TRIM33: variants seen among roughly 807,000 people sequenced by gnomAD.
TRIM33 encodes tripartite motif containing 33.
A neutral mutation model predicts 125.4 loss-of-function variants in TRIM33; 20 were observed. The ratio of observed to expected loss-of-function variants is 0.16; its 90% CI spans 0.11 to 0.23. The LOEUF (loss-of-function observed/expected upper bound fraction) is 0.23. TRIM33 is among the 10% of genes least tolerant of loss of function. TRIM33 has a pLI of 1.00. For synonymous variants in TRIM33, 564 were observed against 513.9 expected, an observed-to-expected ratio of 1.10 and a Z score of -1.32; for missense variants, 920 against 1,411.4, an observed-to-expected ratio of 0.65 and a Z score of 5.58.
At chr1:114,488,541 A>T (rs1220663825) in intron 1 of TRIM33, among the ~76,000 whole-genome samples, 1 of 152,126 alleles carries the variant, frequency 6.6e-6, no homozygotes. Flanking sequence ...AGGCGGGAGG[A>T]CCGCTTCAGC....
chr1:114,408,059 AC>A (rs1466415091), intron 13 of TRIM33, among the ~76,000 whole-genome samples: 1 of 152,110 alleles, frequency 6.6e-6, no homozygotes, highest in Non-Finnish European at 1.5e-5. Flanking sequence ...CCACTACACT[AC>A]CAAGTCTTCT....
At position 114,433,728 on chromosome 1, in the gene TRIM33, T is replaced by G. The variant is rs1287639222; in HGVS notation, c.929A>C (p.Gln310Pro). 1 of 1,594,654 alleles carries G rather than the reference T, an allele frequency of 6.3e-7. No individual in the cohort carries two copies. The highest frequency in any genetic ancestry group is 2.2e-5 in the East Asian group (1 of 44,706). ...QLLEHKEHRY[Q>P]FLEEAFQNQK... ...ATTTTGAAAAGCTTCTTCCAAAAAC[T>G]GATACCTTAAAACCAAAACAAAACT... Residue 310 changes from glutamine (Q) to proline (P), a missense_variant, in exon 5 of 20, where the codon CAG becomes CCG. Transcript: ENST00000358465.
chr1:114,407,049 A>G lies in TRIM33; in HGVS notation c.2310T>C (p.Ser770=). ...GTTCTTGCTTGACCTTCACCTGATC[A>G]GATTTGAAACTAAGACTTGTCTTCT... The part of the protein sequence containing the change: ...TAEKTSLSFK[S]DQVKVKQEPG... Residue 770 remains serine, a synonymous_variant, in exon 14 of 20, where the codon TCT becomes TCC. Coordinates refer to ENST00000358465, the MANE Select transcript of TRIM33 (RefSeq NM_015906.4). The G allele has an allele frequency of 1.9e-6, 3 of 1,613,968 alleles. No homozygotes were observed. Among genetic ancestry groups the G allele is most frequent in the Non-Finnish European group, 2.5e-6 (3 of 1,179,900 alleles).
intron 4 of TRIM33, among the ~76,000 whole-genome samples, chr1:114,457,322 A>G (rs1040184072): frequency 3.9e-5 from 6 of 152,288 alleles, no homozygotes; most frequent in South Asian, 2.1e-4. Flanking sequence ...GCAAAACCCT[A>G]TGAGTGCCAC....
Position 114,409,033 on chromosome 1 carries a change from T to C in TRIM33, c.2195-293A>G, listed in dbSNP as rs569633960. Reference sequence around the variant, plus strand: ...CAACAAGTTATTTGATAAAATATTCTACTTAGGTTCCCATTAATTATTTTC... The same window carrying C: ...CAACAAGTTATTTGATAAAATATTCCACTTAGGTTCCCATTAATTATTTTC... On this transcript the variant is annotated intron_variant, in intron 12 of 19. Transcript: ENST00000358465. Among the ~76,000 whole-genome samples the C allele has an allele frequency of 1.7e-4, 26 of 152,356 alleles. No homozygotes were observed. The Middle Eastern group carries it at 0.01, about 60-fold the overall frequency.
chr1:114,467,257 G>C (rs1044598983), intron 1 of TRIM33, among the ~76,000 whole-genome samples: 8 of 152,186 alleles, frequency 5.3e-5, no homozygotes, highest in Admixed American at 5.2e-4. Context: ...AGTACTAAGA[G>C]TTACAATGAG....
chr1:114,452,461 A>C (rs969900021), intron 4 of TRIM33, among the ~76,000 whole-genome samples: 2 of 151,900 alleles, frequency 1.3e-5, no homozygotes, highest in Non-Finnish European at 2.9e-5. Flanking sequence ...TCTGTCTCAA[A>C]AAAGTAATAA....
chr1:114,473,793 G>A (rs6537832), intron 1 of TRIM33, among the ~76,000 whole-genome samples: 54,036 of 151,910 alleles, frequency 0.36, 10,301 homozygotes, highest in African/African-American at 0.47. Context: ...AAAGAGCAAA[G>A]CAATCAACGT....
intron 5 of TRIM33, among the ~76,000 whole-genome samples, chr1:114,432,174 T>TA (rs1647996327): frequency 1.3e-5 from 2 of 152,206 alleles, no homozygotes; most frequent in Non-Finnish European, 2.9e-5. Flanking sequence ...TTGTAACAGG[T>TA]AAACCTCTTG....
At chr1:114,406,807 T>C (rs1379149390) in intron 14 of TRIM33, 134 bp downstream of exon 14, 2 of 816,528 alleles carry the variant, frequency 2.4e-6, no homozygotes, top group Non-Finnish European at 3.7e-6. Flanking sequence ...AAAAGAGATA[T>C]CTGGCTTGTG....
Position 114,510,996 on chromosome 1 carries a change from G to C in TRIM33, c.81C>G (p.Ala27=), listed in dbSNP as rs1476194291. Residue 27 remains alanine, a synonymous_variant, in exon 1 of 20, where the codon GCC becomes GCG. Transcript: ENST00000358465. ...SGSAPVTAGA[A]GPAAQEAEPP... ...GCTCCGCCTCCTGCGCGGCGGGCCC[G>C]GCGGCCCCGGCAGTTACCGGCGCGC... 9.8e-6 allele frequency: 13 copies of C among 1,329,160 alleles called. No homozygotes were observed. The highest frequency in any genetic ancestry group is 1.5e-5 in the African/African-American group (1 of 64,742). The allele number at this position is 1,329,160 out of a possible 1,614,324, so 82.3% of individuals were successfully genotyped here. A position where few individuals can be genotyped will look rare whatever the true frequency, so the allele number is the denominator to read the frequency against.
intron 4 of TRIM33, among the ~76,000 whole-genome samples, chr1:114,447,968 T>C (rs1284864118): frequency 6.6e-6 from 1 of 152,182 alleles, no homozygotes; most frequent in African/African-American, 2.4e-5. Context: ...TTAGAGACCA[T>C]AATTACAAGC....
At chr1:114,496,548 T>C (rs554710131) in intron 1 of TRIM33, among the ~76,000 whole-genome samples, 3 of 152,278 alleles carry the variant, frequency 2.0e-5, no homozygotes, top group Non-Finnish European at 2.9e-5. Flanking sequence ...TTAGGTTGTT[T>C]AGGAAAAAAG....
chr1:114,420,626 C>T (rs1239412463), intron 11 of TRIM33, among the ~76,000 whole-genome samples: 1 of 152,174 alleles, frequency 6.6e-6, no homozygotes, highest in Non-Finnish European at 1.5e-5. Context: ...TTTCAAGACT[C>T]AAATATTTAT....
intron 4 of TRIM33, among the ~76,000 whole-genome samples, chr1:114,451,850 T>A (rs566894255): frequency 6.6e-6 from 1 of 152,278 alleles, no homozygotes; most frequent in Non-Finnish European, 1.5e-5. Context: ...CAGCAATTAT[T>A]TTAATTTAAA....
intron 4 of TRIM33, among the ~76,000 whole-genome samples, chr1:114,438,554 T>C (rs1052934836): frequency 9.9e-5 from 15 of 152,230 alleles, no homozygotes; most frequent in African/African-American, 3.4e-4. Context: ...TACTACATTT[T>C]CAGGCACTGG....
At chr1:114,505,684 C>A (rs145620189) in intron 1 of TRIM33, among the ~76,000 whole-genome samples, 2 of 152,210 alleles carry the variant, frequency 1.3e-5, no homozygotes, top group African/African-American at 4.8e-5. Flanking sequence ...TCTCCTACCT[C>A]GGCCTCCCGA....
At chr1:114,418,194 G>A (rs1033950842) in intron 11 of TRIM33, among the ~76,000 whole-genome samples, 2 of 152,196 alleles carry the variant, frequency 1.3e-5, no homozygotes, top group African/African-American at 4.8e-5. Flanking sequence ...GAGAGTGAGT[G>A]CAGAGGAAAC....
intron 12 of TRIM33, among the ~76,000 whole-genome samples, 183 bp downstream of exon 12, chr1:114,410,001 C>T (rs1652478339): frequency 6.6e-6 from 1 of 152,148 alleles, no homozygotes; most frequent in South Asian, 2.1e-4. Context: ...GCCTGCCTCA[C>T]CTCCCTGCCA....
Sources: gnomAD v4.1 joint callset for allele counts (sites outside exome capture counted in the v4.1 genomes callset) on GRCh38, gnomAD v4.1.1 for gene constraint, MANE v1.5 for transcripts, NCBI Gene and HGNC (gene_info 2026-07-23, HGNC 2026-07-21) for gene names.